The following PRKCE variants were observed in gnomAD, a reference collection of about 807,000 sequenced individuals.
The protein encoded by PRKCE is protein kinase C epsilon type.
A neutral mutation model predicts 85.4 loss-of-function variants in PRKCE; 16 were observed. The ratio of observed to expected loss-of-function variants is 0.19; its 90% confidence interval spans 0.13 to 0.28. The LOEUF (loss-of-function observed/expected upper bound fraction) is 0.28. Ranked by LOEUF, PRKCE falls within the 10% of genes least tolerant of loss-of-function variation. The pLI, the probability that PRKCE is intolerant of heterozygous loss-of-function variation, is 1.00. For missense variants in PRKCE, 573 were observed against 975.2 expected (o/e 0.59, Z 5.49); for synonymous variants, 388 against 371.5 (o/e 1.04, Z -0.51).
intron 1 of PRKCE, among the ~76,000 whole-genome samples, chr2:45,662,604 C>T (rs777648935): frequency 8.6e-5 from 13 of 151,904 alleles, no homozygotes; most frequent in East Asian, 5.8e-4. Context: ...GCCTTGGCTA[C>T]GGTTAACCTT....
rs778754734 is a variant in PRKCE, at chr2:45,907,953, C to T, written c.412+64890C>T. Reference sequence around the variant, plus strand: ...CTCCCAGTTTTCACCTTCTAGGATTCTGTCCGACTTCATCCTTTTCAAATC... The same window carrying T: ...CTCCCAGTTTTCACCTTCTAGGATTTTGTCCGACTTCATCCTTTTCAAATC... On this transcript the variant is annotated intron_variant, in intron 2 of 14. Coordinates refer to ENST00000306156, the MANE Select transcript of PRKCE (RefSeq NM_005400.3). The surrounding 1 kb of genome is among the most constrained non-coding windows in gnomAD (Gnocchi z 4.5). Among the ~76,000 whole-genome samples, 1 of 152,208 alleles carries T rather than the reference C, an allele frequency of 6.6e-6. No homozygotes were observed. The highest frequency in any genetic ancestry group is 1.5e-5 in the Non-Finnish European group (1 of 68,036).
intron 2 of PRKCE, among the ~76,000 whole-genome samples, chr2:45,960,036 G>A (rs1031214879): frequency 2.0e-5 from 3 of 152,128 alleles, no homozygotes; most frequent in Non-Finnish European, 2.9e-5. Context: ...TTTTCACATC[G>A]TTTTTTCATT....
chr2:45,966,961 C>CA (rs1558896351), intron 2 of PRKCE, among the ~76,000 whole-genome samples: 5 of 152,172 alleles, frequency 3.3e-5, no homozygotes, highest in Non-Finnish European at 5.9e-5. Context: ...TATTGGATTA[C>CA]TAAAGCCACA....
intron 12 of PRKCE, among the ~76,000 whole-genome samples, chr2:46,149,705 A>T (rs536466850): frequency 7.0e-6 from 1 of 143,104 alleles, no homozygotes; most frequent in East Asian, 2.0e-4. Context: ...ATATATATAT[A>T]TATGTATTTT....
chr2:46,087,754 G>A (rs932573295), intron 11 of PRKCE, among the ~76,000 whole-genome samples: 12 of 152,204 alleles, frequency 7.9e-5, no homozygotes, highest in African/African-American at 2.4e-4. Context: ...AGTGTATCAC[G>A]AAGCTGTGAT....
At chr2:45,815,322 G>C (rs1688954067) in intron 1 of PRKCE, among the ~76,000 whole-genome samples, 1 of 152,178 alleles carries the variant, frequency 6.6e-6, no homozygotes, top group South Asian at 2.1e-4. Context: ...TATGTTCTTT[G>C]AGCTGCAAGT....
intron 10 of PRKCE, among the ~76,000 whole-genome samples, chr2:46,036,585 G>A (rs1301479858): frequency 6.6e-6 from 1 of 152,118 alleles, no homozygotes; most frequent in Non-Finnish European, 1.5e-5. Flanking sequence ...GCAAGACCTT[G>A]TCTCAAAAAT....
chr2:45,895,902 T>C lies in PRKCE; in HGVS notation c.412+52839T>C, dbSNP rs144889142. Among the ~76,000 whole-genome samples, 286 of 152,238 alleles carry C rather than the reference T, an allele frequency of 1.9e-3. 3 individuals carry two copies. Among genetic ancestry groups the C allele is most frequent in the Admixed American group, 4.5e-3 (69 of 15,298 alleles). ...CAAGGGGCTCCCAGAGGAGTTGGTGTCTGGGCTGTGGCTGAAGTTCACCGT... is the reference window on the plus strand; with the variant it reads ...CAAGGGGCTCCCAGAGGAGTTGGTGCCTGGGCTGTGGCTGAAGTTCACCGT... On this transcript the variant is annotated intron_variant, in intron 2 of 14. Transcript: ENST00000306156. This position sits in a 1 kb window ranked among gnomAD's most constrained non-coding sequence, Gnocchi z 4.8.
chr2:45,953,768 G>T (rs1574007875), intron 2 of PRKCE, among the ~76,000 whole-genome samples: 1 of 152,218 alleles, frequency 6.6e-6, no homozygotes, highest in East Asian at 1.9e-4. Flanking sequence ...TCAGTTGTCT[G>T]TGGTGGGCCA....
rs182845769 is a variant in PRKCE at position 46,159,789 on chromosome 2, C to T, written c.2067+37C>T. The T allele has an allele frequency of 1.2e-5, 19 of 1,595,738 alleles. No individual in the cohort carries two copies. The highest frequency in any genetic ancestry group is 1.0e-4 in the Admixed American group (6 of 59,248). ...CCCGTGCACGTTCAGCACCATGGGT[C>T]GGGCCCAGGTACTTGCAGGACAGGC... On this transcript the variant is annotated intron_variant, in intron 14 of 14. Coordinates refer to ENST00000306156, the MANE Select transcript of PRKCE (RefSeq NM_005400.3). This position sits in a 1 kb window ranked among gnomAD's most constrained non-coding sequence, Gnocchi z 4.1.
At chr2:46,117,795 C>T (rs1672925686) in intron 11 of PRKCE, among the ~76,000 whole-genome samples, 1 of 152,136 alleles carries the variant, frequency 6.6e-6, no homozygotes, top group African/African-American at 2.4e-5. Flanking sequence ...CCTTACATTG[C>T]CATAATGTGG....
At chr2:45,798,971 T>G (rs887375403) in intron 1 of PRKCE, among the ~76,000 whole-genome samples, 1 of 151,986 alleles carries the variant, frequency 6.6e-6, no homozygotes, top group African/African-American at 2.4e-5. Flanking sequence ...ATCAAGACCA[T>G]CCTGGCTAAC....
At chr2:45,664,315 G>T (rs529889427) in intron 1 of PRKCE, among the ~76,000 whole-genome samples, 31 of 152,206 alleles carry the variant, frequency 2.0e-4, no homozygotes, top group Middle Eastern at 3.4e-3. Context: ...CTGCATATTG[G>T]ACAAATAATT....
Position 46,068,070 on chromosome 2 carries a change from T to C in PRKCE, c.1438-18138T>C, listed in dbSNP as rs138188825. Among the ~76,000 whole-genome samples, 15 of 152,332 alleles carry C rather than the reference T, an allele frequency of 9.8e-5. No homozygotes were observed. The highest frequency in any genetic ancestry group is 3.4e-3 in the Middle Eastern group (1 of 294). On this transcript the variant is annotated intron_variant, in intron 10 of 14. Transcript: ENST00000306156. This position sits in a 1 kb window ranked among gnomAD's most constrained non-coding sequence, Gnocchi z 4.3. ...CAATGGAAACATCTTTCGTTTTCAT[T>C]GTTCAGAGAGAGACTGGGGGTTTGT... is the stretch of plus-strand genomic sequence containing the variant.
rs990466456 is a variant in PRKCE at position 46,187,483 on chromosome 2, G to T, written c.*2602G>T. On this transcript the variant is annotated 3_prime_UTR_variant, in exon 15 of 15. Transcript: ENST00000306156. ...TTCATTTTCATTTTTACGAGAGTTT[G>T]AAAATAGACACACTGTTAACACTTC... The T allele has an allele frequency of 3.9e-5, 6 of 152,346 alleles. No homozygotes were observed. Among genetic ancestry groups the T allele is most frequent in the Admixed American group, 1.3e-4 (2 of 15,252 alleles). 9.4% of individuals were successfully genotyped at this position (152,346 alleles called of 1,614,324 possible).
intron 1 of PRKCE, among the ~76,000 whole-genome samples, chr2:45,779,047 A>G (rs1435692538): frequency 6.6e-6 from 1 of 152,252 alleles, no homozygotes; most frequent in African/African-American, 2.4e-5. Context: ...TTTTGCTCAC[A>G]GCAGTCCAGG....
At chr2:46,049,715 C>G (rs1488873997) in intron 10 of PRKCE, among the ~76,000 whole-genome samples, 1 of 152,214 alleles carries the variant, frequency 6.6e-6, no homozygotes, top group Non-Finnish European at 1.5e-5. Flanking sequence ...TCTCGTAAAT[C>G]CCACCTCTTC....
intron 14 of PRKCE, among the ~76,000 whole-genome samples, chr2:46,176,136 A>G (rs1054314194): frequency 6.6e-6 from 1 of 152,186 alleles, no homozygotes; most frequent in Admixed American, 6.5e-5. Flanking sequence ...ATTTTCCCCA[A>G]AGAGAAATAG....
At chr2:45,970,982 C>A (rs1478967005) in intron 2 of PRKCE, among the ~76,000 whole-genome samples, 1 of 151,884 alleles carries the variant, frequency 6.6e-6, no homozygotes, top group Non-Finnish European at 1.5e-5. Flanking sequence ...ACGCATATTA[C>A]CTCTACTATG....
Sources: gnomAD v4.1 joint callset for allele counts (sites outside exome capture counted in the v4.1 genomes callset) on GRCh38, gnomAD v4.1.1 for gene constraint, Gnocchi (gnomAD v3.1) non-coding constraint, MANE v1.5 for transcripts, NCBI Gene and HGNC (gene_info 2026-07-23, HGNC 2026-07-21) for gene names.